Variants in LRBA observed in about 807,000 individuals in gnomAD.
LRBA encodes LPS responsive beige-like anchor protein.
Under a neutral mutation model 330.0 loss-of-function variants are expected in LRBA, and 176 were observed. That is an observed-to-expected ratio of 0.53 (90% CI 0.47 to 0.60). The LOEUF (loss-of-function observed/expected upper bound fraction) is 0.60, where lower values mean the gene tolerates loss of function less well. LRBA is among the 20% of genes least tolerant of loss of function. The probability of loss-of-function intolerance (pLI) is 0.00; values close to 1 mark genes in which losing one functional copy is unlikely to be tolerated. For synonymous variants in LRBA, 1,230 were observed against 1,193.0 expected (o/e 1.03, Z -0.64); for missense variants, 3,259 against 3,444.8 (o/e 0.95, Z 1.35).
intron 36 of LRBA, among the ~76,000 whole-genome samples, chr4:150,687,783 C>T (rs986805495): frequency 6.6e-6 from 1 of 151,926 alleles, no homozygotes; most frequent in African/African-American, 2.4e-5. Flanking sequence ...ACTATTCATC[C>T]TTTGCATGAA....
At chr4:150,701,393 T>C (rs1235239094) in intron 36 of LRBA, among the ~76,000 whole-genome samples, 13 of 151,886 alleles carry the variant, frequency 8.6e-5, no homozygotes, top group Non-Finnish European at 2.9e-5. Flanking sequence ...TTTAATATCA[T>C]TACCAAGTAT....
chr4:150,549,859 C>G (rs1468297257), intron 40 of LRBA, among the ~76,000 whole-genome samples: 4 of 152,126 alleles, frequency 2.6e-5, no homozygotes, highest in African/African-American at 9.7e-5. Flanking sequence ...GATTCTGATT[C>G]CTGAAAGTAT....
chr4:150,620,625 A>G (rs1776203881), intron 37 of LRBA, among the ~76,000 whole-genome samples: 1 of 152,234 alleles, frequency 6.6e-6, no homozygotes, highest in Non-Finnish European at 1.5e-5. Context: ...CTACTCAGCC[A>G]TAAAAAAGAA....
In LRBA at chr4:150,916,446, T is replaced by A; in HGVS notation, c.849A>T (p.Gly283=). 1 of 1,613,782 alleles carries A rather than the reference T, an allele frequency of 6.2e-7. No individual in the cohort carries two copies. Residue 283 remains glycine (G), a synonymous_variant, in exon 7 of 57, where the codon GGA becomes GGT. Transcript: ENST00000651943. ...ATTTCACACAGTGTTGAAAGCCTTT[T>A]CCTTTTGACTTTATTGATGTTACAA... ...CLIVTSIKSK[G]KGFQHCVKFD...
chr4:150,643,089 A>C (rs776042051), intron 37 of LRBA, among the ~76,000 whole-genome samples: 8 of 151,928 alleles, frequency 5.3e-5, no homozygotes, highest in African/African-American at 7.2e-5. Context: ...CATTTCAACC[A>C]ACATAAAGAT....
At chr4:150,298,865 A>G (rs1157125458) in intron 53 of LRBA, among the ~76,000 whole-genome samples, 1 of 152,072 alleles carries the variant, frequency 6.6e-6, no homozygotes, top group African/African-American at 2.4e-5. Flanking sequence ...ACAGTTAGCA[A>G]CCATTTGCTT....
At chr4:150,741,293 T>C (rs1339596133) in intron 35 of LRBA, among the ~76,000 whole-genome samples, 9 of 152,142 alleles carry the variant, frequency 5.9e-5, no homozygotes, top group Admixed American at 5.9e-4. Flanking sequence ...ATCTTAAATA[T>C]ATTAAAAAGC....
intron 40 of LRBA, among the ~76,000 whole-genome samples, chr4:150,510,558 G>A (rs950016545): frequency 7.9e-5 from 12 of 152,152 alleles, no homozygotes; most frequent in African/African-American, 2.7e-4. Flanking sequence ...GTCACTCAAT[G>A]CACCCATCTT....
intron 37 of LRBA, among the ~76,000 whole-genome samples, chr4:150,680,114 C>A (rs1044668522): frequency 2.3e-4 from 35 of 152,224 alleles, no homozygotes; most frequent in Non-Finnish European, 4.6e-4. Flanking sequence ...CCACTCTGTT[C>A]ATTTGTGGCT....
chr4:150,599,339 C>T (rs1196651443), intron 37 of LRBA, among the ~76,000 whole-genome samples: 3 of 152,148 alleles, frequency 2.0e-5, no homozygotes, highest in African/African-American at 7.2e-5. Context: ...GTCTAAGGAA[C>T]TCCTTTTCCT....
At position 150,844,183 on chromosome 4, in the gene LRBA, C is replaced by G. The variant is rs765227496; in HGVS notation, c.4486G>C (p.Gly1496Arg). ...TCAAGATCTCTTACTGGAGATATAC[C>G]GCCAGTCACAATGTCCACTGGGCTC... ...AKSPVDIVTGGISPVRDLDRL... is the reference protein window; with the variant it reads ...AKSPVDIVTGRISPVRDLDRL... Residue 1496 changes from glycine (G) to arginine (R), a missense_variant, in exon 28 of 57, where the codon GGT (glycine) becomes CGT (arginine). Gly to Arg is a moderately radical substitution (Grantham distance 125). Coordinates refer to ENST00000651943, the MANE Select transcript of LRBA (RefSeq NM_001364905.1). 6.2e-7 allele frequency: 1 copy of G among 1,606,838 alleles called. No individual in the cohort carries two copies. The highest frequency in any genetic ancestry group is 1.3e-5 in the African/African-American group (1 of 74,638).
At chr4:150,906,229 G>A in intron 12 of LRBA, 68 bp downstream of exon 12, 1 of 993,522 alleles carries the variant, frequency 1.0e-6, no homozygotes, top group Non-Finnish European at 1.6e-6. Flanking sequence ...GAATTCCTTA[G>A]CCACTTAGAG....
chr4:150,583,231 G>C lies in LRBA; in HGVS notation c.6330+4817C>G, dbSNP rs753700138. On this transcript the variant is annotated intron_variant, in intron 40 of 56. Transcript: ENST00000651943. The surrounding 1 kb of genome is among the most constrained non-coding windows in gnomAD (Gnocchi z 9.8). ...CGATGCCCGCTACGAGGGGCTCGAG[G>C]TCATTTCGCCCACCGAATTTGAGGT... 19 of 1,614,120 alleles carry C rather than the reference G, an allele frequency of 1.2e-5. No individual in the cohort carries two copies. The highest frequency in any genetic ancestry group is 1.6e-5 in the Non-Finnish European group (19 of 1,180,054).
At chr4:150,454,243 GC>G (rs1373763901) in intron 44 of LRBA, among the ~76,000 whole-genome samples, 1 of 152,076 alleles carries the variant, frequency 6.6e-6, no homozygotes, top group Admixed American at 6.6e-5. Context: ...ACAGGCGTGA[GC>G]CACCACAACC....
chr4:150,821,596 T>C (rs1430635082), intron 30 of LRBA, among the ~76,000 whole-genome samples: 7 of 152,108 alleles, frequency 4.6e-5, no homozygotes, highest in Admixed American at 4.6e-4. Flanking sequence ...AGAACTTCCA[T>C]TTCAGTATTA....
chr4:150,460,306 T>G (rs940173891), intron 44 of LRBA, among the ~76,000 whole-genome samples: 3 of 149,680 alleles, frequency 2.0e-5, no homozygotes, highest in Non-Finnish European at 3.0e-5. Context: ...TGGTAGGAGA[T>G]ACATGAAGGA....
chr4:150,827,130 C>T (rs1049514623), intron 30 of LRBA, among the ~76,000 whole-genome samples: 1 of 152,100 alleles, frequency 6.6e-6, no homozygotes, highest in African/African-American at 2.4e-5. Context: ...TTGACGGAGA[C>T]AAGAACATCC....
chr4:150,786,296 G>A (rs1042071498), intron 34 of LRBA, among the ~76,000 whole-genome samples: 1 of 147,112 alleles, frequency 6.8e-6, no homozygotes, highest in Non-Finnish European at 1.5e-5. Context: ...GGGCTGGAGT[G>A]CCAATGGCAT....
At chr4:150,376,553 CCATGGTTGTAATGTGTAACCAGCTTTTCT>C (rs1260721651) in intron 47 of LRBA, among the ~76,000 whole-genome samples, 1 of 152,084 alleles carries the variant, frequency 6.6e-6, no homozygotes, top group Non-Finnish European at 1.5e-5. Context: ...ATGTACTAAA[CCATGGTTGTAATGTGTAACCAGCTTTTCT>C]CCAATATCCT....
Sources: allele counts gnomAD v4.1 joint callset (sites outside exome capture counted in the v4.1 genomes callset), GRCh38; gene constraint gnomAD v4.1.1; non-coding constraint Gnocchi (gnomAD v3.1); transcripts MANE v1.5; gene names NCBI Gene and HGNC (gene_info 2026-07-23, HGNC 2026-07-21).